Variants in PKHD1 observed in about 807,000 individuals in gnomAD.
PKHD1 encodes PKHD1 ciliary IPT domain containing fibrocystin/polyductin.
In PKHD1, 291 loss-of-function variants were observed where a neutral mutation model predicts 412.0. The observed-to-expected ratio is 0.71, with a 90% CI of 0.64 to 0.78. The LOEUF is 0.78. PKHD1 is among the 30% of genes least tolerant of loss of function. The pLI is 0.00. For synonymous variants in PKHD1, 1,777 were observed against 1,821.5 expected (o/e 0.98, Z 0.62); for missense variants, 4,825 against 4,950.7 (o/e 0.97, Z 0.76).
chr6:51,883,126 A>T lies in PKHD1; in HGVS notation c.7317T>A (p.Thr2439=), dbSNP rs374113485. Residue 2439 remains threonine, a synonymous_variant, in exon 46 of 67, where the codon ACT becomes ACA. Transcript: ENST00000371117. ...CAAAATGACCAAGTAATAAGCTGTC[A>T]GTAACTGAAGTATTTGCATCACTTT... ...VLESDANTSV[T]DSLLLGHFAH... 24 of 1,613,250 alleles carry T rather than the reference A, an allele frequency of 1.5e-5. No individual in the cohort carries two copies. Among genetic ancestry groups the T allele is most frequent in the Non-Finnish European group, 1.8e-5 (21 of 1,179,294 alleles).
intron 48 of PKHD1, among the ~76,000 whole-genome samples, chr6:51,865,252 T>C (rs566265115): frequency 2.0e-5 from 3 of 152,294 alleles, no homozygotes; most frequent in African/African-American, 7.2e-5. Context: ...ATGCTGTCAT[T>C]TTAACAAAAC....
intron 60 of PKHD1, among the ~76,000 whole-genome samples, chr6:51,716,616 TC>T (rs1781287126): frequency 6.6e-6 from 1 of 152,116 alleles, no homozygotes; most frequent in African/African-American, 2.4e-5. Context: ...GATCCTGACC[TC>T]TGGCCACAAG....
chr6:51,972,354 GC>G (rs1413948737), intron 35 of PKHD1, among the ~76,000 whole-genome samples: 2 of 152,140 alleles, frequency 1.3e-5, no homozygotes, highest in Non-Finnish European at 2.9e-5. Context: ...TATCCTCAAA[GC>G]AGCATCATGT....
At chr6:51,891,853 C>T (rs6928527) in intron 43 of PKHD1, among the ~76,000 whole-genome samples, 61,462 of 151,842 alleles carry the variant, frequency 0.4, 13,668 homozygotes, top group East Asian at 0.85. Flanking sequence ...ACCAATGCCT[C>T]AACCCCTGGA....
intron 65 of PKHD1, among the ~76,000 whole-genome samples, chr6:51,628,015 A>G (rs1226322850): frequency 6.6e-6 from 1 of 152,190 alleles, no homozygotes; most frequent in Non-Finnish European, 1.5e-5. Flanking sequence ...TGGCAAAGTA[A>G]TGCCATAACA....
rs1490698262 is a variant in PKHD1, at chr6:51,871,395, G to A, written c.7351-756C>T. The stretch of plus-strand genomic sequence containing the variant: ...GCAACAAGTTAGATGAATCCCAATG[G>A]CATTCAGGAGTGAAGGAAGCCAGTC... On this transcript the variant is annotated intron_variant, in intron 46 of 66. Transcript: ENST00000371117. 1.3e-4 allele frequency among the ~76,000 whole-genome samples: 8 copies of A among 61,280 alleles called. 3 individuals carry two copies. The highest frequency in any genetic ancestry group is 4.3e-4 in the Non-Finnish European group (8 of 18,490). The allele number at this position is 61,280 out of a possible 152,430, so 40.2% of individuals were successfully genotyped here. A position where few individuals can be genotyped will look rare whatever the true frequency, so the allele number is the denominator to read the frequency against.
intron 60 of PKHD1, chr6:51,721,066 T>G (rs1199644186): frequency 1.0e-6 from 1 of 983,586 alleles, no homozygotes; most frequent in African/African-American, 1.7e-5. Flanking sequence ...GGGGAACCAA[T>G]TCCTCAAATC....
chr6:51,903,608 T>G lies in PKHD1; in HGVS notation c.6985A>C (p.Asn2329His), dbSNP rs960150781. Residue 2329 changes from asparagine to histidine, a missense_variant, in exon 43 of 67, where the codon AAT becomes CAT. Coordinates refer to ENST00000371117, the MANE Select transcript of PKHD1 (RefSeq NM_138694.4). ...GCTGAACATCTTACCTCTATAACAT[T>G]GGTGGGACTGCAGATATAGATGCCA... is the stretch of plus-strand genomic sequence containing the variant. ...PSGIYICSPT[N>H]VIEGNRVCGA... The G allele has an allele frequency of 1.3e-5, 21 of 1,610,586 alleles. No individual in the cohort carries two copies. Among genetic ancestry groups the G allele is most frequent in the Non-Finnish European group, 1.7e-5 (20 of 1,177,568 alleles).
chr6:51,640,721 T>C (rs767919998), intron 63 of PKHD1, among the ~76,000 whole-genome samples: 5 of 152,208 alleles, frequency 3.3e-5, no homozygotes, highest in Non-Finnish European at 5.9e-5. Context: ...CACTCACTCC[T>C]AGGTATGCAT....
chr6:51,930,477 C>G (rs1786406658), intron 37 of PKHD1, among the ~76,000 whole-genome samples: 1 of 152,328 alleles, frequency 6.6e-6, no homozygotes, highest in Non-Finnish European at 1.5e-5. Context: ...TCAACTCCAT[C>G]TTGCCTTGTG....
At chr6:51,906,361 T>C in intron 40 of PKHD1, 21 bp from the exon 41 acceptor site, 1 of 1,603,568 alleles carries the variant, frequency 6.2e-7, no homozygotes, top group East Asian at 2.2e-5. Flanking sequence ...AAGAGTAAAG[T>C]AAAAATTAGA....
intron 34 of PKHD1, among the ~76,000 whole-genome samples, chr6:52,012,732 G>T (rs1251369531): frequency 6.6e-6 from 1 of 152,170 alleles, no homozygotes; most frequent in Non-Finnish European, 1.5e-5. Context: ...TTTGTTACTG[G>T]GGGTGGAGAA....
At chr6:51,785,161 G>C (rs1018467171) in intron 53 of PKHD1, among the ~76,000 whole-genome samples, 3 of 152,174 alleles carry the variant, frequency 2.0e-5, no homozygotes, top group Non-Finnish European at 2.9e-5. Flanking sequence ...GAGGTGGGAG[G>C]AGGTAAAGGA....
chr6:51,696,152 C>T (rs1014089860), intron 60 of PKHD1, among the ~76,000 whole-genome samples: 35 of 152,164 alleles, frequency 2.3e-4, no homozygotes, highest in Admixed American at 7.2e-4. Flanking sequence ...GGAATTAAAG[C>T]ACCAAGTTTC....
At chr6:51,948,460 TA>T (rs1325224680) in intron 36 of PKHD1, among the ~76,000 whole-genome samples, 2 of 152,226 alleles carry the variant, frequency 1.3e-5, no homozygotes, top group African/African-American at 4.8e-5. Flanking sequence ...GTGTATTCCC[TA>T]TTCACCTCTC....
chr6:51,845,769 T>G (rs1771043808), intron 50 of PKHD1, among the ~76,000 whole-genome samples: 1 of 152,204 alleles, frequency 6.6e-6, no homozygotes, highest in Non-Finnish European at 1.5e-5. Flanking sequence ...ATTAATTCAA[T>G]TAATAATGCT....
intron 35 of PKHD1, among the ~76,000 whole-genome samples, chr6:51,982,193 T>A (rs1237275735): frequency 6.0e-4 from 17 of 28,464 alleles, no homozygotes; most frequent in Middle Eastern, 8.1e-3. Flanking sequence ...GGTGGGGGGG[T>A]CAGCCCCCCG....
intron 60 of PKHD1, chr6:51,720,958 T>TA: frequency 1.0e-6 from 1 of 982,094 alleles, no homozygotes; most frequent in Non-Finnish European, 1.2e-6. Context: ...ACATTGACTT[T>TA]ATGAAGGAAA....
At chr6:51,709,848 C>CTTT (rs1780440977) in intron 60 of PKHD1, among the ~76,000 whole-genome samples, 1 of 73,930 alleles carries the variant, frequency 1.4e-5, no homozygotes, top group African/African-American at 7.6e-5. Context: ...ATGCTTTAGT[C>CTTT]ATTTTTTTTT....
Sources: allele counts gnomAD v4.1 joint callset (sites outside exome capture counted in the v4.1 genomes callset), GRCh38; gene constraint gnomAD v4.1.1; transcripts MANE v1.5; gene names NCBI Gene and HGNC (gene_info 2026-07-23, HGNC 2026-07-21).